The following CSMD1 variants were observed in gnomAD, a reference collection of about 807,000 sequenced individuals.
CSMD1 encodes CUB and Sushi multiple domains 1.
Under a neutral mutation model 417.5 loss-of-function variants are expected in CSMD1, and 213 were observed. The ratio of observed to expected loss-of-function variants is 0.51; its 90% CI spans 0.46 to 0.57. The LOEUF (loss-of-function observed/expected upper bound fraction) is 0.57, where lower values mean the gene tolerates loss of function less well. Ranked by LOEUF, CSMD1 falls within the 20% of genes least tolerant of loss-of-function variation. The pLI is 0.00. For synonymous variants in CSMD1, 2,862 were observed against 1,736.8 expected (o/e 1.65, Z -16.11); for missense variants, 6,923 against 4,529.7 (o/e 1.53, Z -15.17).
At chr8:4,528,896 T>C (rs1236050576) in intron 2 of CSMD1, among the ~76,000 whole-genome samples, 1 of 152,144 alleles carries the variant, frequency 6.6e-6, no homozygotes, top group African/African-American at 2.4e-5. Flanking sequence ...CTTTCCATGT[T>C]TGAGACGGGA....
intron 3 of CSMD1, among the ~76,000 whole-genome samples, chr8:4,336,883 G>C (rs549877150): frequency 6.6e-6 from 1 of 151,988 alleles, no homozygotes. Context: ...AAAAACATAC[G>C]GGAATGGGAT....
intron 1 of CSMD1, among the ~76,000 whole-genome samples, chr8:4,813,603 A>T (rs1049653958): frequency 2.0e-5 from 3 of 152,216 alleles, no homozygotes; most frequent in Non-Finnish European, 2.9e-5. Context: ...TCTGGCAAAC[A>T]TCTTTGCCAT....
intron 3 of CSMD1, among the ~76,000 whole-genome samples, chr8:4,129,538 A>T (rs1438107351): frequency 6.6e-6 from 1 of 152,014 alleles, no homozygotes; most frequent in Non-Finnish European, 1.5e-5. Flanking sequence ...TCCGATTTTG[A>T]GATTGGATTC....
At chr8:4,685,363 C>G (rs533280424) in intron 1 of CSMD1, among the ~76,000 whole-genome samples, 13 of 152,062 alleles carry the variant, frequency 8.5e-5, no homozygotes, top group African/African-American at 2.9e-4. Flanking sequence ...CACCTTAGGT[C>G]AGGAGTTCGA....
At chr8:4,370,957 C>G (rs190084829) in intron 3 of CSMD1, among the ~76,000 whole-genome samples, 2 of 152,188 alleles carry the variant, frequency 1.3e-5, no homozygotes, top group Non-Finnish European at 2.9e-5. Flanking sequence ...GAATCCATTG[C>G]TGGCGAGCTA....
intron 1 of CSMD1, among the ~76,000 whole-genome samples, chr8:4,662,368 T>C (rs1307250609): frequency 6.6e-6 from 1 of 152,198 alleles, no homozygotes; most frequent in Non-Finnish European, 1.5e-5. Context: ...ACATGCATTG[T>C]TCCTGAAATT....
intron 12 of CSMD1, among the ~76,000 whole-genome samples, chr8:3,429,997 G>C (rs184275435): frequency 1.3e-5 from 2 of 151,494 alleles, no homozygotes; most frequent in African/African-American, 2.4e-5. Flanking sequence ...TGTGTGTATG[G>C]GTATACATGT....
intron 1 of CSMD1, among the ~76,000 whole-genome samples, chr8:4,666,366 G>A (rs1319498483): frequency 6.6e-6 from 1 of 152,172 alleles, no homozygotes; most frequent in African/African-American, 2.4e-5. Context: ...GGGAGGCAGA[G>A]TCAGTGTGAA....
intron 3 of CSMD1, among the ~76,000 whole-genome samples, chr8:4,153,337 G>A (rs569761402): frequency 6.6e-6 from 1 of 152,308 alleles, no homozygotes; most frequent in African/African-American, 2.4e-5. Flanking sequence ...CCCGTTTTGT[G>A]AACTTGACTG....
At chr8:3,668,339 C>T (rs972623682) in intron 7 of CSMD1, among the ~76,000 whole-genome samples, 1 of 152,110 alleles carries the variant, frequency 6.6e-6, no homozygotes, top group Admixed American at 6.5e-5. Flanking sequence ...CCCACACAGG[C>T]CCTGGGCTGT....
intron 37 of CSMD1, among the ~76,000 whole-genome samples, chr8:3,166,333 C>G (rs1302949651): frequency 2.6e-5 from 4 of 152,144 alleles, no homozygotes; most frequent in African/African-American, 9.6e-5. Context: ...GTGTTCAAGA[C>G]CAGCCTGGCC....
chr8:4,312,496 T>C (rs1264613663), intron 3 of CSMD1, among the ~76,000 whole-genome samples: 3 of 150,210 alleles, frequency 2.0e-5, no homozygotes, highest in African/African-American at 7.4e-5. Context: ...TAGAACTCTA[T>C]GTTTCCAGTT....
At chr8:3,636,326 C>T (rs536290357) in intron 7 of CSMD1, among the ~76,000 whole-genome samples, 52 of 152,230 alleles carry the variant, frequency 3.4e-4, no homozygotes, top group South Asian at 8.3e-4. Flanking sequence ...TACAGGCATG[C>T]GCCACCACGC....
rs1563340895 is a variant in CSMD1, at chr8:4,032,117, G to GA, written c.416-19dup. The GA allele has an allele frequency of 6.4e-7, 1 of 1,570,556 alleles. No individual in the cohort carries two copies. Among genetic ancestry groups the GA allele is most frequent in the Non-Finnish European group, 8.7e-7 (1 of 1,151,924 alleles). ...AGGTAAAACTATTGGAAAAAGAAAAGAAAGGAGAAAAAACAAGTTAAATTT... is the reference window on the plus strand; with the variant it reads ...AGGTAAAACTATTGGAAAAAGAAAAGAAAAGGAGAAAAAACAAGTTAAATTT... On this transcript the variant is annotated intron_variant, in intron 3 of 69. Coordinates refer to ENST00000635120, the MANE Select transcript of CSMD1 (RefSeq NM_033225.6).
chr8:3,978,707 G>A (rs561794892), intron 5 of CSMD1, among the ~76,000 whole-genome samples: 5 of 152,180 alleles, frequency 3.3e-5, no homozygotes, highest in African/African-American at 7.2e-5. Flanking sequence ...CACTAATTGA[G>A]CACTCTGATA....
intron 49 of CSMD1, among the ~76,000 whole-genome samples, chr8:3,073,429 C>G (rs1441715496): frequency 6.7e-6 from 1 of 148,348 alleles, no homozygotes; most frequent in African/African-American, 2.5e-5. Context: ...AGGGTGACAT[C>G]TTAAAACAGG....
chr8:4,801,324 G>C (rs1490750658), intron 1 of CSMD1, among the ~76,000 whole-genome samples: 1 of 152,106 alleles, frequency 6.6e-6, no homozygotes, highest in African/African-American at 2.4e-5. Flanking sequence ...GGTGGAAGTG[G>C]AAGATGTGAG....
At chr8:3,840,854 C>T (rs1005657515) in intron 5 of CSMD1, among the ~76,000 whole-genome samples, 2 of 151,790 alleles carry the variant, frequency 1.3e-5, no homozygotes, top group Admixed American at 1.3e-4. Flanking sequence ...CGTACAGGCG[C>T]CTGTGACTAC....
chr8:3,814,715 A>G (rs912262925), intron 5 of CSMD1, among the ~76,000 whole-genome samples: 1 of 152,166 alleles, frequency 6.6e-6, no homozygotes, highest in Non-Finnish European at 1.5e-5. Context: ...GCTGATTCTG[A>G]AGTAGAAATC....
Sources: allele counts gnomAD v4.1 joint callset (sites outside exome capture counted in the v4.1 genomes callset), GRCh38; gene constraint gnomAD v4.1.1; transcripts MANE v1.5; gene names NCBI Gene and HGNC (gene_info 2026-07-23, HGNC 2026-07-21).